Variants in PTPRK observed in about 807,000 individuals in gnomAD.
The protein encoded by PTPRK is receptor-type tyrosine-protein phosphatase kappa.
Under a neutral mutation model 178.0 loss-of-function variants are expected in PTPRK, and 75 were observed. The observed-to-expected ratio is 0.42, with a 90% CI of 0.35 to 0.51. The LOEUF (loss-of-function observed/expected upper bound fraction) is 0.51. PTPRK is among the 20% of genes least tolerant of loss of function. The probability of loss-of-function intolerance (pLI) is 0.02; values close to 1 mark genes in which losing one functional copy is unlikely to be tolerated. For missense variants in PTPRK, 1,441 were observed against 1,797.8 expected, an observed-to-expected ratio of 0.80 and a Z score of 3.59; for synonymous variants, 637 against 620.6, an observed-to-expected ratio of 1.03 and a Z score of -0.39.
chr6:128,313,291 C>T (rs1827510890), intron 3 of PTPRK, among the ~76,000 whole-genome samples: 1 of 152,118 alleles, frequency 6.6e-6, no homozygotes, highest in African/African-American at 2.4e-5. Flanking sequence ...TGTACAATTG[C>T]TTTCTGAAAT....
At chr6:127,976,564 T>C (rs894692438) in intron 27 of PTPRK, 93 bp downstream of exon 27, 1 of 1,442,412 alleles carries the variant, frequency 6.9e-7, no homozygotes, top group African/African-American at 1.4e-5. Context: ...GCTTATTAAT[T>C]GTAGTCTCCC....
At chr6:128,202,151 C>T (rs1166686300) in intron 6 of PTPRK, among the ~76,000 whole-genome samples, 1 of 152,110 alleles carries the variant, frequency 6.6e-6, no homozygotes, top group Admixed American at 6.5e-5. Context: ...CAGGTTCTCA[C>T]ACTGGGACTG....
intron 8 of PTPRK, among the ~76,000 whole-genome samples, chr6:128,084,045 A>G (rs921619335): frequency 5.3e-5 from 8 of 152,184 alleles, no homozygotes; most frequent in Non-Finnish European, 1.0e-4. Context: ...GAAAATGTAG[A>G]AATGCAAAGT....
At chr6:128,231,071 C>T (rs1812212569) in intron 5 of PTPRK, among the ~76,000 whole-genome samples, 1 of 152,152 alleles carries the variant, frequency 6.6e-6, no homozygotes, top group Non-Finnish European at 1.5e-5. Flanking sequence ...TTTAACAATT[C>T]TAAAAAGTAA....
intron 3 of PTPRK, among the ~76,000 whole-genome samples, chr6:128,311,692 G>A (rs182240768): frequency 1.5e-3 from 231 of 152,124 alleles, no homozygotes; most frequent in African/African-American, 5.4e-3. Context: ...AAGAGACAGG[G>A]TCTTGCTATG....
chr6:128,362,993 C>T (rs779314070), intron 2 of PTPRK, among the ~76,000 whole-genome samples: 17 of 151,990 alleles, frequency 1.1e-4, no homozygotes, highest in Admixed American at 1.3e-4. Context: ...ACAGAGAAGC[C>T]ACGGTAGGAA....
chr6:128,260,558 G>A (rs1327639461), intron 3 of PTPRK, among the ~76,000 whole-genome samples: 3 of 152,130 alleles, frequency 2.0e-5, no homozygotes, highest in African/African-American at 4.8e-5. Flanking sequence ...GGAGATTACC[G>A]CTTTTCTAAT....
At chr6:128,379,397 A>G (rs1202917363) in intron 2 of PTPRK, among the ~76,000 whole-genome samples, 1 of 152,144 alleles carries the variant, frequency 6.6e-6, no homozygotes, top group East Asian at 1.9e-4. Flanking sequence ...TACCAACACA[A>G]TACACTTGTT....
At chr6:128,170,903 C>CA (rs201323667) in intron 7 of PTPRK, among the ~76,000 whole-genome samples, 5,971 of 129,446 alleles carry the variant, frequency 0.046, 126 homozygotes, top group Non-Finnish European at 0.058. Context: ...AGTAAGAAAG[C>CA]AAAAAAAAAA....
intron 13 of PTPRK, among the ~76,000 whole-genome samples, chr6:128,018,816 T>A (rs1438951538): frequency 6.6e-6 from 1 of 152,110 alleles, no homozygotes; most frequent in Non-Finnish European, 1.5e-5. Context: ...GAGGGAAGTC[T>A]ACTTTCTAAA....
At chr6:128,111,053 C>CAACAT (rs1207168249) in intron 7 of PTPRK, among the ~76,000 whole-genome samples, 1 of 152,112 alleles carries the variant, frequency 6.6e-6, no homozygotes, top group Non-Finnish European at 1.5e-5. Flanking sequence ...TAATCTACAA[C>CAACAT]AACATCACAA....
chr6:128,443,420 G>A (rs1217452300), intron 1 of PTPRK, among the ~76,000 whole-genome samples: 1 of 151,932 alleles, frequency 6.6e-6, no homozygotes, highest in Non-Finnish European at 1.5e-5. Flanking sequence ...AGAGAGGAAA[G>A]GGGAAAGAGG....
At position 128,322,100 on chromosome 6, in the gene PTPRK, G is replaced by A. The variant is rs138453562; in HGVS notation, c.434C>T (p.Thr145Met). 3.1e-5 allele frequency: 50 copies of A among 1,613,754 alleles called. No homozygotes were observed. The highest frequency in any genetic ancestry group is 4.5e-5 in the East Asian group (2 of 44,868). The change falls in exon 3 of 30, where the codon ACG (threonine) becomes ATG (methionine). Residue 145 changes from threonine to methionine, a missense_variant. By Grantham distance (81) the Thr-to-Met change is moderately conservative. Transcript: ENST00000368226. ...CTCAGCCCGAAGCCAATCTCTACCC[G>A]TGAATCCAGTCACATTCCAAATTGG... Reference protein sequence around the residue: ...ANPIWNVTGFTGRDWLRAELA... With the variant: ...ANPIWNVTGFMGRDWLRAELA...
At chr6:128,017,350 T>A (rs925107321) in intron 13 of PTPRK, among the ~76,000 whole-genome samples, 3 of 151,998 alleles carry the variant, frequency 2.0e-5, no homozygotes, top group Non-Finnish European at 4.4e-5. Flanking sequence ...AGGATTTACA[T>A]CTGTTGTTTC....
intron 1 of PTPRK, among the ~76,000 whole-genome samples, chr6:128,484,717 T>C (rs1208373749): frequency 6.6e-6 from 1 of 152,214 alleles, no homozygotes; most frequent in Non-Finnish European, 1.5e-5. Context: ...TGTTGAATTA[T>C]ACTTCTGAAA....
At chr6:128,376,832 G>A (rs1287272048) in intron 2 of PTPRK, among the ~76,000 whole-genome samples, 1 of 152,098 alleles carries the variant, frequency 6.6e-6, no homozygotes, top group Non-Finnish European at 1.5e-5. Flanking sequence ...AAATCTCTAG[G>A]GCAGGGGCAT....
rs1304054084 is a variant in PTPRK at position 128,326,787 on chromosome 6, T to G, written c.224-4477A>C. ...AGGTTTTCAAAAAAGTTTTTGCATATGTACAGTTTCTGAGAGTTCTATAAT... is the reference window on the plus strand; with the variant it reads ...AGGTTTTCAAAAAAGTTTTTGCATAGGTACAGTTTCTGAGAGTTCTATAAT... On this transcript the variant is annotated intron_variant, in intron 2 of 29. Transcript: ENST00000368226. Among the ~76,000 whole-genome samples the G allele has an allele frequency of 3.3e-5, 5 of 152,234 alleles. No homozygotes were observed. In the East Asian group the frequency reaches 7.7e-4, roughly 23 times the overall value.
At chr6:128,411,662 A>T (rs895536346) in intron 1 of PTPRK, among the ~76,000 whole-genome samples, 1 of 152,262 alleles carries the variant, frequency 6.6e-6, no homozygotes, top group Non-Finnish European at 1.5e-5. Context: ...ACTAATGAAA[A>T]TATTTGGTCA....
intron 13 of PTPRK, among the ~76,000 whole-genome samples, chr6:128,023,990 A>G (rs976943969): frequency 9.2e-5 from 14 of 152,070 alleles, no homozygotes; most frequent in South Asian, 8.3e-4. Context: ...TTTAAACTCA[A>G]ATAGAGACAT....
Sources: allele counts gnomAD v4.1 joint callset (sites outside exome capture counted in the v4.1 genomes callset), GRCh38; gene constraint gnomAD v4.1.1; transcripts MANE v1.5; gene names NCBI Gene and HGNC (gene_info 2026-07-23, HGNC 2026-07-21).